ARHGAP15: variants seen among roughly 807,000 people sequenced by gnomAD.
ARHGAP15 encodes the protein Rho GTPase activating protein 15.
In ARHGAP15, 51 loss-of-function variants were observed where a neutral mutation model predicts 63.7. That is an observed-to-expected ratio of 0.80 (90% CI 0.64 to 1.01). ARHGAP15 has a LOEUF of 1.01. Among genes scored for constraint, ARHGAP15 ranks in the 50% least tolerant of loss-of-function variants. The probability of loss-of-function intolerance (pLI) is 0.00; values close to 1 mark genes in which losing one functional copy is unlikely to be tolerated. For missense variants in ARHGAP15, 560 were observed against 564.6 expected (o/e 0.99, Z 0.08); for synonymous variants, 191 against 193.8 (o/e 0.99, Z 0.12).
chr2:143,233,910 G>A (rs147625190), intron 5 of ARHGAP15, among the ~76,000 whole-genome samples: 2,546 of 152,146 alleles, frequency 0.017, 35 homozygotes, highest in Non-Finnish European at 0.03. Context: ...CTCCCAAAGT[G>A]CTGGGATTAC....
chr2:143,187,191 AC>A (rs1406383022), intron 2 of ARHGAP15, among the ~76,000 whole-genome samples: 2 of 152,168 alleles, frequency 1.3e-5, no homozygotes, highest in Non-Finnish European at 2.9e-5. Flanking sequence ...TAAGCATTTC[AC>A]TAGTTGACTA....
chr2:143,710,124 C>T (rs377574458), intron 13 of ARHGAP15, among the ~76,000 whole-genome samples: 5 of 151,888 alleles, frequency 3.3e-5, no homozygotes, highest in Non-Finnish European at 5.9e-5. Context: ...AAATGAGGAA[C>T]CTGTGCAAAT....
At chr2:143,460,092 G>A (rs1201729349) in intron 8 of ARHGAP15, among the ~76,000 whole-genome samples, 1 of 151,954 alleles carries the variant, frequency 6.6e-6, no homozygotes, top group Non-Finnish European at 1.5e-5. Context: ...AGTGATCATG[G>A]GTTTACTTTG....
At chr2:143,602,233 G>A (rs1415196863) in intron 11 of ARHGAP15, among the ~76,000 whole-genome samples, 1 of 152,110 alleles carries the variant, frequency 6.6e-6, no homozygotes, top group Non-Finnish European at 1.5e-5. Context: ...ACAGGAAAAG[G>A]CAGAACTATC....
At chr2:143,549,912 G>T (rs1428243188) in intron 10 of ARHGAP15, among the ~76,000 whole-genome samples, 1 of 152,144 alleles carries the variant, frequency 6.6e-6, no homozygotes, top group Non-Finnish European at 1.5e-5. Context: ...GACAAGTTGT[G>T]GGGAGGGAGA....
At chr2:143,552,569 G>C (rs1039562346) in intron 10 of ARHGAP15, among the ~76,000 whole-genome samples, 2 of 79,860 alleles carry the variant, frequency 2.5e-5, no homozygotes, top group Non-Finnish European at 5.0e-5. Context: ...AAGTCGGGGT[G>C]GGGAGGCAGG....
chr2:143,377,555 T>C (rs1686872974), intron 6 of ARHGAP15, among the ~76,000 whole-genome samples: 1 of 151,966 alleles, frequency 6.6e-6, no homozygotes, highest in Non-Finnish European at 1.5e-5. Flanking sequence ...TAGTTTTGTT[T>C]CCTATTTTTT....
At chr2:143,494,791 G>T (rs1692744379) in intron 9 of ARHGAP15, among the ~76,000 whole-genome samples, 1 of 152,072 alleles carries the variant, frequency 6.6e-6, no homozygotes, top group Admixed American at 6.5e-5. Flanking sequence ...TGGTCTGCTG[G>T]TGCATCCCAC....
At chr2:143,419,461 T>TATCATGACAAAATGTGGAAAA (rs139059272) in intron 6 of ARHGAP15, among the ~76,000 whole-genome samples, 2 of 151,874 alleles carry the variant, frequency 1.3e-5, no homozygotes, top group African/African-American at 4.8e-5. Flanking sequence ...TGGGTTTATT[T>TATCATGACAAAATGTGGAAAA]AACTAAATTG....
intron 12 of ARHGAP15, among the ~76,000 whole-genome samples, chr2:143,662,841 G>C (rs1276572641): frequency 3.7e-5 from 5 of 134,298 alleles, no homozygotes; most frequent in Non-Finnish European, 8.0e-5. Flanking sequence ...TGAATGAAAT[G>C]AAGCAAGAAG....
chr2:143,341,750 T>C (rs1685065569), intron 6 of ARHGAP15, among the ~76,000 whole-genome samples: 1 of 152,092 alleles, frequency 6.6e-6, no homozygotes, highest in Non-Finnish European at 1.5e-5. Flanking sequence ...ACATAGTACA[T>C]ATTGGTTTCC....
At chr2:143,161,325 C>T (rs190608469) in intron 2 of ARHGAP15, among the ~76,000 whole-genome samples, 3 of 152,010 alleles carry the variant, frequency 2.0e-5, no homozygotes, top group South Asian at 2.1e-4. Flanking sequence ...AGATTCAAAT[C>T]GCTGCCAGTT....
intron 8 of ARHGAP15, among the ~76,000 whole-genome samples, chr2:143,483,945 C>T (rs1692192466): frequency 6.6e-6 from 1 of 152,110 alleles, no homozygotes; most frequent in Admixed American, 6.6e-5. Context: ...ACAGGCCAGA[C>T]AGGCGGCCAT....
At chr2:143,634,312 C>A (rs989537883) in intron 12 of ARHGAP15, among the ~76,000 whole-genome samples, 3 of 152,138 alleles carry the variant, frequency 2.0e-5, no homozygotes, top group African/African-American at 7.2e-5. Context: ...TCTACCCGCA[C>A]CGCACACCAC....
intron 11 of ARHGAP15, among the ~76,000 whole-genome samples, chr2:143,566,842 C>T (rs529027800): frequency 1.1e-3 from 171 of 152,036 alleles, no homozygotes; most frequent in Non-Finnish European, 1.9e-3. Context: ...TTCCCAGTAT[C>T]GTGTTTTCCT....
At chr2:143,311,291 T>A (rs1187207081) in intron 6 of ARHGAP15, among the ~76,000 whole-genome samples, 1 of 151,924 alleles carries the variant, frequency 6.6e-6, no homozygotes, top group Non-Finnish European at 1.5e-5. Flanking sequence ...CCTCCCTTTT[T>A]TTTTTTTGTA....
chr2:143,643,505 G>T lies in ARHGAP15; in HGVS notation c.1138+19238G>T, dbSNP rs117959816. On this transcript the variant is annotated intron_variant, in intron 12 of 13. Transcript: ENST00000295095. ...GACTGGTAGCATCAGAATCACCTCG[G>T]ATCATGTTAGACTGTAAATTTGAGG... is the stretch of plus-strand genomic sequence containing the variant. Among the ~76,000 whole-genome samples, 3 of 146,608 alleles carry T rather than the reference G, an allele frequency of 2.0e-5. No individual in the cohort carries two copies. The East Asian group carries it at 6.2e-4, about 30-fold the overall frequency.
chr2:143,238,008 T>A (rs1693721097), intron 5 of ARHGAP15: 1 of 152,158 alleles, frequency 6.6e-6, no homozygotes, highest in Admixed American at 6.5e-5. Flanking sequence ...AATTTTTGTA[T>A]ATGGTGTAAG....
intron 2 of ARHGAP15, among the ~76,000 whole-genome samples, chr2:143,185,610 T>C (rs1691414097): frequency 6.6e-6 from 1 of 152,178 alleles, no homozygotes; most frequent in African/African-American, 2.4e-5. Context: ...ATAGAGATCC[T>C]CATTCCCGAT....
Sources: gnomAD v4.1 joint callset for allele counts (sites outside exome capture counted in the v4.1 genomes callset) on GRCh38, gnomAD v4.1.1 for gene constraint, MANE v1.5 for transcripts, NCBI Gene and HGNC (gene_info 2026-07-23, HGNC 2026-07-21) for gene names.